Variants in RAB21 observed in about 807,000 individuals in gnomAD.
The protein encoded by RAB21 is ras-related protein Rab-21.
In RAB21, 13 loss-of-function variants were observed where a neutral mutation model predicts 33.1. That is an observed-to-expected ratio of 0.39 (90% CI 0.26 to 0.62). The LOEUF is 0.62. Ranked by LOEUF, RAB21 falls within the 20% of genes least tolerant of loss-of-function variation. RAB21 has a pLI of 0.48. For missense variants in RAB21, 234 were observed against 279.1 expected (o/e 0.84, Z 1.15); for synonymous variants, 91 against 103.7 (o/e 0.88, Z 0.74).
In RAB21 at chr12:71,794,944, AAGTT is replaced by A. The variant is rs1336850689; in HGVS notation, c.*9273_*9276del. On this transcript the variant is annotated 3_prime_UTR_variant, in exon 7 of 7. Coordinates refer to ENST00000261263, the MANE Select transcript of RAB21 (RefSeq NM_014999.4). ...AGAGTGAGACTCTGTCTCAAAAAAA[AAGTT>A]AAAAGTTGTTAACTAGATGTCGAAT... 6.6e-6 allele frequency: 1 copy of A among 151,572 alleles called. No individual in the cohort carries two copies. The highest frequency in any genetic ancestry group is 1.5e-5 in the Non-Finnish European group (1 of 67,910). The allele number at this position is 151,572 out of a possible 1,614,324, so 9.4% of individuals were successfully genotyped here. A position where few individuals can be genotyped will look rare whatever the true frequency, so the allele number is the denominator to read the frequency against.
rs970987785 is a variant in RAB21 at position 71,789,495 on chromosome 12, G to C, written c.*3822G>C. ...CTTGTTTGCCACTGTAGAGTTTTCA[G>C]TTTTCTCTGTAGATTCAGTGTGACA... On this transcript the variant is annotated 3_prime_UTR_variant, in exon 7 of 7. Coordinates refer to ENST00000261263, the MANE Select transcript of RAB21 (RefSeq NM_014999.4). 18 of 151,974 alleles carry C rather than the reference G, an allele frequency of 1.2e-4. No individual in the cohort carries two copies. Among genetic ancestry groups the C allele is most frequent in the Non-Finnish European group, 2.5e-4 (17 of 67,928 alleles). The allele number at this position is 151,974 out of a possible 1,614,324, so 9.4% of individuals were successfully genotyped here. A position where few individuals can be genotyped will look rare whatever the true frequency, so the allele number is the denominator to read the frequency against.
Position 71,794,405 on chromosome 12 carries a change from T to TTATATATATATATATA in RAB21, c.*8740_*8755dup, listed in dbSNP as rs1197587877. On this transcript the variant is annotated 3_prime_UTR_variant, in exon 7 of 7. Transcript: ENST00000261263. ...AAAACAAAACAAAACCATATATATA[T>TTATATATATATATATA]TATATATATATATATATATATATTT... is the stretch of plus-strand genomic sequence containing the variant. The TTATATATATATATATA allele has an allele frequency of 2.0e-5, 1 of 51,064 alleles. No homozygotes were observed. Among genetic ancestry groups the TTATATATATATATATA allele is most frequent in the East Asian group, 6.4e-4 (1 of 1,570 alleles). 3.2% of individuals were successfully genotyped at this position (51,064 alleles called of 1,614,324 possible).
At chr12:71,761,999 C>G (rs1882879155) in intron 1 of RAB21, among the ~76,000 whole-genome samples, 2 of 152,208 alleles carry the variant, frequency 1.3e-5, no homozygotes, top group South Asian at 4.1e-4. Flanking sequence ...ATTATAATAT[C>G]TTCATACAGT....
At chr12:71,772,218 C>CA (rs1883053600) in intron 3 of RAB21, among the ~76,000 whole-genome samples, 1 of 152,172 alleles carries the variant, frequency 6.6e-6, no homozygotes, top group Admixed American at 6.5e-5. Flanking sequence ...TCTGGCCTCT[C>CA]ACTATATCTG....
intron 4 of RAB21, 75 bp downstream of exon 4, chr12:71,774,097 G>A: frequency 2.0e-6 from 2 of 1,020,882 alleles, no homozygotes; most frequent in East Asian, 5.3e-5. Context: ...AGTAATTTTT[G>A]TTTTAAAGTT....
chr12:71,758,328 C>T (rs199997192), intron 1 of RAB21, among the ~76,000 whole-genome samples: 6 of 152,038 alleles, frequency 3.9e-5, no homozygotes, highest in African/African-American at 1.4e-4. Flanking sequence ...CCACCACTTC[C>T]GGTCCTATTT....
chr12:71,777,556 T>A (rs1186243307), intron 4 of RAB21, among the ~76,000 whole-genome samples: 2 of 152,210 alleles, frequency 1.3e-5, no homozygotes, highest in Non-Finnish European at 2.9e-5. Context: ...TACTACTACT[T>A]CTCAGGGTTA....
chr12:71,769,817 G>A lies in RAB21; in HGVS notation c.177G>A (p.Lys59=), dbSNP rs1883014715. 1 of 1,392,466 alleles carries A rather than the reference G, an allele frequency of 7.2e-7. No homozygotes were observed. Among genetic ancestry groups the A allele is most frequent in the Middle Eastern group, 1.9e-4 (1 of 5,324 alleles). The allele number at this position is 1,392,466 out of a possible 1,614,324, so 86.3% of individuals were successfully genotyped here. Residue 59 remains lysine, a synonymous_variant, in exon 2 of 7, where the codon AAG becomes AAA. Transcript: ENST00000261263. ...ITTLQASFLT[K]KLNIGGKRVN... ...CTTTTTAGGCATCATTCTTAACAAA[G>A]AAGTTAAATATTGGTGGGAAAAGAG...
In RAB21 at chr12:71,796,579, T is replaced by C. The variant is rs1883466302; in HGVS notation, c.*10906T>C. The C allele has an allele frequency of 7.3e-6, 1 of 137,430 alleles. No individual in the cohort carries two copies. Among genetic ancestry groups the C allele is most frequent in the Non-Finnish European group, 1.5e-5 (1 of 65,898 alleles). The allele number at this position is 137,430 out of a possible 1,614,324, so 8.5% of individuals were successfully genotyped here. On this transcript the variant is annotated 3_prime_UTR_variant, in exon 7 of 7. Transcript: ENST00000261263. Reference sequence around the variant, plus strand: ...ATCCCTGACTATAAAGTAAGACTTATTATCTTGTATAGTTTGTAGCATTTA... The same window carrying C: ...ATCCCTGACTATAAAGTAAGACTTACTATCTTGTATAGTTTGTAGCATTTA...
Position 71,755,070 on chromosome 12 carries a change from T to C in RAB21, c.-60T>C. The stretch of plus-strand genomic sequence containing the variant: ...GAGCCGGCCGTGGCTGTGAAGGCGC[T>C]GCCGCGGCTGTCGGGAGGGCGGCGC... On this transcript the variant is annotated 5_prime_UTR_variant, in exon 1 of 7. Coordinates refer to ENST00000261263, the MANE Select transcript of RAB21 (RefSeq NM_014999.4). The C allele has an allele frequency of 1.9e-6, 2 of 1,035,996 alleles. No homozygotes were observed. The highest frequency in any genetic ancestry group is 2.3e-6 in the Non-Finnish European group (2 of 865,240). The allele number at this position is 1,035,996 out of a possible 1,614,324, so 64.2% of individuals were successfully genotyped here.
chr12:71,770,702 AT>A lies in RAB21; in HGVS notation c.327+5del. On this transcript the variant is annotated splice_donor_region_variant and intron_variant, in intron 3 of 6. Coordinates refer to ENST00000261263, the MANE Select transcript of RAB21 (RefSeq NM_014999.4). ...CAGATGAAGATTCTTTTCAGAAGGTATTCTATTCATGGGTAGATGTCTTAGA... is the reference window on the plus strand; with the variant it reads ...CAGATGAAGATTCTTTTCAGAAGGTATCTATTCATGGGTAGATGTCTTAGA... 2 of 1,537,036 alleles carry A rather than the reference AT, an allele frequency of 1.3e-6. No individual in the cohort carries two copies. Among genetic ancestry groups the A allele is most frequent in the Non-Finnish European group, 1.8e-6 (2 of 1,113,044 alleles).
At chr12:71,776,974 A>G (rs1448526753) in intron 4 of RAB21, among the ~76,000 whole-genome samples, 1 of 152,152 alleles carries the variant, frequency 6.6e-6, no homozygotes, top group African/African-American at 2.4e-5. Flanking sequence ...GTGTTGGAGA[A>G]CAACTTATTT....
In RAB21 at chr12:71,785,911, T is replaced by G. The variant is rs11178946; in HGVS notation, c.*238T>G. 96,805 of 408,778 alleles carry G rather than the reference T, an allele frequency of 0.24. 12,886 individuals carry two copies. Among genetic ancestry groups the G allele is most frequent in the Non-Finnish European group, 0.29 (69,821 of 244,774 alleles). 25.3% of individuals were successfully genotyped at this position (408,778 alleles called of 1,614,324 possible). The stretch of plus-strand genomic sequence containing the variant: ...TTTGTTTTTTTTTTGTTTTTTTTTG[T>G]TTTTTTTTGAGACGGAGTCTCGCTC... On this transcript the variant is annotated 3_prime_UTR_variant, in exon 7 of 7. Transcript: ENST00000261263.
intron 2 of RAB21, among the ~76,000 whole-genome samples, chr12:71,770,074 T>G (rs1338402829): frequency 6.6e-6 from 1 of 152,162 alleles, no homozygotes; most frequent in African/African-American, 2.4e-5. Flanking sequence ...GGGTTCCACT[T>G]CAGAGAGAGG....
chr12:71,761,594 C>CT (rs1199555530), intron 1 of RAB21, among the ~76,000 whole-genome samples: 2 of 152,268 alleles, frequency 1.3e-5, no homozygotes, highest in African/African-American at 4.8e-5. Context: ...AGGAGAATCA[C>CT]TTGAACCTGG....
At chr12:71,764,404 TA>T (rs1294613205) in intron 1 of RAB21, among the ~76,000 whole-genome samples, 4 of 152,180 alleles carry the variant, frequency 2.6e-5, no homozygotes, top group Non-Finnish European at 5.9e-5. Flanking sequence ...TAGAGGTGGT[TA>T]AAAAAGAAAA....
Position 71,770,622 on chromosome 12 carries a change from T to C in RAB21, c.250T>C (p.Leu84=). 1 of 1,607,732 alleles carries C rather than the reference T, an allele frequency of 6.2e-7. No individual in the cohort carries two copies. The highest frequency in any genetic ancestry group is 8.5e-7 in the Non-Finnish European group (1 of 1,174,794). Residue 84 remains leucine (L), a synonymous_variant, in exon 3 of 7, where the codon TTG becomes CTG. Transcript: ENST00000261263. ...GGCAGGTCAAGAGAGATTCCATGCA[T>C]TGGGTCCAATTTACTACAGAGATTC... ...DTAGQERFHA[L]GPIYYRDSNG...
At chr12:71,758,504 C>CTT (rs555367340) in intron 1 of RAB21, among the ~76,000 whole-genome samples, 6 of 145,644 alleles carry the variant, frequency 4.1e-5, no homozygotes, top group South Asian at 4.3e-4. Flanking sequence ...AATCCTTTCA[C>CTT]TTTTTTTTTT....
At position 71,785,798 on chromosome 12, in the gene RAB21, A is replaced by C; in HGVS notation, c.*125A>C. ...AATTATAGAATTAACAGTATTTTAA[A>C]TTACGTTTATAACACTGCAGAGACC... On this transcript the variant is annotated 3_prime_UTR_variant, in exon 7 of 7. Transcript: ENST00000261263. The C allele has an allele frequency of 4.2e-6, 5 of 1,188,146 alleles. No homozygotes were observed. Among genetic ancestry groups the C allele is most frequent in the Non-Finnish European group, 5.9e-6 (5 of 843,438 alleles). 73.6% of individuals were successfully genotyped at this position (1,188,146 alleles called of 1,614,324 possible). A position where few individuals can be genotyped will look rare whatever the true frequency, so the allele number is the denominator to read the frequency against.
Sources: gnomAD v4.1 joint callset for allele counts (sites outside exome capture counted in the v4.1 genomes callset) on GRCh38, gnomAD v4.1.1 for gene constraint, MANE v1.5 for transcripts, NCBI Gene and HGNC (gene_info 2026-07-23, HGNC 2026-07-21) for gene names.